The following FGF14 variants were observed in gnomAD, a reference collection of about 807,000 sequenced individuals.
FGF14 encodes fibroblast growth factor homologous factor 4.
Under a neutral mutation model 25.5 loss-of-function variants are expected in FGF14, and 5 were observed. The ratio of observed to expected loss-of-function variants is 0.20; its 90% confidence interval spans 0.10 to 0.41. FGF14 has a LOEUF of 0.41. FGF14 is among the 10% of genes least tolerant of loss of function. FGF14 has a pLI of 1.00. For missense variants in FGF14, 222 were observed against 320.1 expected (o/e 0.69, Z 2.34); for synonymous variants, 138 against 118.3 (o/e 1.17, Z -1.08).
chr13:102,132,009 G>GT (rs1051846645), intron 1 of FGF14, among the ~76,000 whole-genome samples: 46 of 152,050 alleles, frequency 3.0e-4, no homozygotes, highest in Admixed American at 1.2e-3. Context: ...GGGAAAATAA[G>GT]TTTTTTTTGT....
chr13:102,077,916 T>A (rs935474146), intron 1 of FGF14, among the ~76,000 whole-genome samples: 1 of 152,170 alleles, frequency 6.6e-6, no homozygotes, highest in African/African-American at 2.4e-5. Flanking sequence ...ATGGATTTTT[T>A]AAATGTGGTA....
intron 3 of FGF14, among the ~76,000 whole-genome samples, chr13:101,766,796 C>T (rs1014979079): frequency 6.6e-6 from 1 of 152,060 alleles, no homozygotes; most frequent in Non-Finnish European, 1.5e-5. Flanking sequence ...AACACACACA[C>T]AGGGGACACC....
chr13:101,819,619 A>G (rs900552728), intron 3 of FGF14, among the ~76,000 whole-genome samples: 3 of 152,254 alleles, frequency 2.0e-5, no homozygotes, highest in African/African-American at 7.2e-5. Flanking sequence ...AGTTACTTCA[A>G]AATAACTGCA....
At chr13:101,829,653 C>A (rs1189914663) in intron 3 of FGF14, among the ~76,000 whole-genome samples, 1 of 151,960 alleles carries the variant, frequency 6.6e-6, no homozygotes, top group African/African-American at 2.4e-5. Flanking sequence ...TGACCCAGGG[C>A]TAAAGTAAAT....
chr13:102,331,714 T>C (rs1447718302), intron 1 of FGF14, among the ~76,000 whole-genome samples: 7 of 152,134 alleles, frequency 4.6e-5, no homozygotes, highest in Non-Finnish European at 1.0e-4. Context: ...CAATGAAGGA[T>C]TTTAGGGTTC....
chr13:101,777,127 T>G (rs912736194), intron 3 of FGF14, among the ~76,000 whole-genome samples: 1 of 152,180 alleles, frequency 6.6e-6, no homozygotes, highest in Non-Finnish European at 1.5e-5. Flanking sequence ...TCCCCCAAAA[T>G]TCATATGTTG....
chr13:101,986,349 A>C (rs9513971), intron 1 of FGF14, among the ~76,000 whole-genome samples: 2 of 151,882 alleles, frequency 1.3e-5, no homozygotes, highest in East Asian at 3.9e-4. Context: ...ATCTACTGAA[A>C]AGCTATGACA....
In FGF14 at chr13:102,351,707, A is replaced by G. The variant is rs116669674; in HGVS notation, c.208+49764T>C. Among the ~76,000 whole-genome samples the G allele has an allele frequency of 2.3e-3, 356 of 152,224 alleles. 2 individuals are homozygous for G. The highest frequency in any genetic ancestry group is 8.4e-3 in the African/African-American group (349 of 41,524). On this transcript the variant is annotated intron_variant, in intron 1 of 4. Transcript: ENST00000376131. ...ATTTGGTCAGAGACCTCCGTTCCTC[A>G]CCATGGGGGCCTTTCCACAGGCCGC...
chr13:101,885,429 T>G (rs1303663044), intron 1 of FGF14, among the ~76,000 whole-genome samples: 2 of 152,084 alleles, frequency 1.3e-5, no homozygotes, highest in Admixed American at 1.3e-4. Context: ...CTCTCCCAAA[T>G]GTACATTTAA....
At chr13:102,365,443 G>A (rs1268147797) in intron 1 of FGF14, among the ~76,000 whole-genome samples, 4 of 152,098 alleles carry the variant, frequency 2.6e-5, no homozygotes, top group Non-Finnish European at 5.9e-5. Context: ...TTTACAAAAC[G>A]GCGATAATAA....
chr13:102,373,318 C>G (rs564226392), intron 1 of FGF14: 1 of 152,258 alleles, frequency 6.6e-6, no homozygotes, highest in African/African-American at 2.4e-5. Flanking sequence ...TCCTGTGAAG[C>G]TAGCACATTT....
At chr13:101,913,108 A>C (rs888092890) in intron 1 of FGF14, among the ~76,000 whole-genome samples, 17 of 152,246 alleles carry the variant, frequency 1.1e-4, no homozygotes, top group African/African-American at 3.9e-4. Context: ...ATTTTCTCTC[A>C]GCTTTTCAAA....
chr13:101,720,736 T>C lies in FGF14; in HGVS notation c.*2095A>G, dbSNP rs2034920006. The C allele has an allele frequency of 6.7e-6, 1 of 149,060 alleles. No homozygotes were observed. The highest frequency in any genetic ancestry group is 2.6e-5 in the African/African-American group (1 of 38,398). 9.2% of individuals were successfully genotyped at this position (149,060 alleles called of 1,614,324 possible). A position where few individuals can be genotyped will look rare whatever the true frequency, so the allele number is the denominator to read the frequency against. Reference sequence around the variant, plus strand: ...GAAGTTATCTAATATATTTTAACTGTTCCTGTTAAAAACAATAGGCTTCAA... The same window carrying C: ...GAAGTTATCTAATATATTTTAACTGCTCCTGTTAAAAACAATAGGCTTCAA... On this transcript the variant is annotated 3_prime_UTR_variant, in exon 5 of 5. Transcript: ENST00000376143.
At chr13:101,837,007 A>C (rs1456969171) in intron 3 of FGF14, among the ~76,000 whole-genome samples, 1 of 152,150 alleles carries the variant, frequency 6.6e-6, no homozygotes, top group Admixed American at 6.6e-5. Context: ...GAATATAATG[A>C]GAGGAACTTT....
At chr13:102,274,916 T>TAATTTTTA (rs2053435006) in intron 1 of FGF14, among the ~76,000 whole-genome samples, 2 of 151,238 alleles carry the variant, frequency 1.3e-5, no homozygotes, top group Non-Finnish European at 2.9e-5. Context: ...TAATTATTTA[T>TAATTTTTA]TAAATAATGA....
At chr13:101,763,686 C>G (rs1051226911) in intron 3 of FGF14, among the ~76,000 whole-genome samples, 1 of 152,032 alleles carries the variant, frequency 6.6e-6, no homozygotes, top group Non-Finnish European at 1.5e-5. Flanking sequence ...ATGGTGAAAC[C>G]CCATCTCTAG....
intron 3 of FGF14, among the ~76,000 whole-genome samples, chr13:101,865,344 T>C (rs2044645922): frequency 1.3e-5 from 2 of 152,174 alleles, no homozygotes; most frequent in Admixed American, 1.3e-4. Flanking sequence ...TTAAAGTACA[T>C]TTTTGTTCAT....
chr13:101,861,763 C>T (rs571996520), intron 3 of FGF14, among the ~76,000 whole-genome samples: 26 of 152,150 alleles, frequency 1.7e-4, no homozygotes, highest in African/African-American at 6.0e-4. Context: ...GCCAAGAAAA[C>T]GCAATGACAA....
chr13:101,824,726 G>A (rs1405571697), intron 3 of FGF14, among the ~76,000 whole-genome samples: 1 of 152,166 alleles, frequency 6.6e-6, no homozygotes, highest in African/African-American at 2.4e-5. Context: ...GTTGCCAGAG[G>A]AACCGACCAC....
Sources: allele counts gnomAD v4.1 joint callset (sites outside exome capture counted in the v4.1 genomes callset), GRCh38; gene constraint gnomAD v4.1.1; transcripts MANE v1.5; gene names NCBI Gene and HGNC (gene_info 2026-07-23, HGNC 2026-07-21).